ATG14: variants seen among roughly 807,000 people sequenced by gnomAD.
ATG14 encodes beclin 1-associated autophagy-related key regulator.
Under a neutral mutation model 60.4 loss-of-function variants are expected in ATG14, and 35 were observed. That is an observed-to-expected ratio of 0.58 (90% confidence interval 0.44 to 0.77). ATG14 has a LOEUF of 0.77. Among genes scored for constraint, ATG14 ranks in the 30% least tolerant of loss-of-function variants. ATG14 has a pLI of 0.00. For missense variants in ATG14, 647 were observed against 626.3 expected (o/e 1.03, Z -0.35); for synonymous variants, 234 against 228.8 (o/e 1.02, Z -0.21).
At chr14:55,393,210 T>C (rs889844170) in intron 3 of ATG14, among the ~76,000 whole-genome samples, 1 of 139,572 alleles carries the variant, frequency 7.2e-6, no homozygotes, top group African/African-American at 2.5e-5. Flanking sequence ...TGAAACCCCG[T>C]CTCTACTAAA....
chr14:55,399,913 A>C (rs1268797950), intron 1 of ATG14, among the ~76,000 whole-genome samples: 3 of 152,180 alleles, frequency 2.0e-5, no homozygotes, highest in Non-Finnish European at 4.4e-5. Flanking sequence ...GACTTTGTTA[A>C]AAACACAAAA....
Position 55,369,777 on chromosome 14 carries a change from G to T in ATG14, c.1321C>A (p.Pro441Thr). The T allele has an allele frequency of 1.9e-6, 3 of 1,614,188 alleles. No homozygotes were observed. Among genetic ancestry groups the T allele is most frequent in the Non-Finnish European group, 2.5e-6 (3 of 1,180,026 alleles). The change falls in exon 10 of 10, where the codon CCC (proline) becomes ACC (threonine). Residue 441 changes from proline (P) to threonine (T), a missense_variant. Transcript: ENST00000247178. ...TGGGAAGGGATATCACAAAACCGGG[G>T]ACTAGGCAAGTTCTCCCAGTCTGTG... ...LGTDWENLPS[P>T]RFCDIPSQSV...
intron 3 of ATG14, among the ~76,000 whole-genome samples, chr14:55,393,339 C>A (rs1024790676): frequency 6.6e-6 from 1 of 151,296 alleles, no homozygotes; most frequent in Non-Finnish European, 1.5e-5. Flanking sequence ...GAGCCGAGAT[C>A]GCGCCACTGC....
chr14:55,375,964 T>C (rs752095813), intron 9 of ATG14, among the ~76,000 whole-genome samples: 9 of 152,236 alleles, frequency 5.9e-5, no homozygotes, highest in Non-Finnish European at 1.0e-4. Flanking sequence ...CTAGTAATTT[T>C]CCCCCCTAAT....
chr14:55,396,281 T>C (rs1196278991), intron 2 of ATG14, among the ~76,000 whole-genome samples: 1 of 152,236 alleles, frequency 6.6e-6, no homozygotes, highest in East Asian at 1.9e-4. Flanking sequence ...TCATAATTCA[T>C]AGCAATAGTT....
At chr14:55,407,005 A>T (rs1405523641) in intron 1 of ATG14, among the ~76,000 whole-genome samples, 2 of 148,830 alleles carry the variant, frequency 1.3e-5, no homozygotes, top group Non-Finnish European at 3.0e-5. Context: ...TCTGTTGCCC[A>T]GGCTGAAGTA....
intron 1 of ATG14, among the ~76,000 whole-genome samples, chr14:55,398,301 AACTT>A (rs1193650151): frequency 1.3e-5 from 2 of 152,016 alleles, no homozygotes; most frequent in Non-Finnish European, 2.9e-5. Context: ...TCTTCTTGCC[AACTT>A]ACTTGGGTTT....
At position 55,384,085 on chromosome 14, in the gene ATG14, T is replaced by C. The variant is rs555889905; in HGVS notation, c.647+1774A>G. Among the ~76,000 whole-genome samples, 4 of 152,154 alleles carry C rather than the reference T, an allele frequency of 2.6e-5. No homozygotes were observed. The East Asian group carries it at 7.7e-4, about 29-fold the overall frequency. On this transcript the variant is annotated intron_variant, in intron 5 of 9. Transcript: ENST00000247178. ...GCCAGTTCTGAGCTGTACTGCTGCG[T>C]CTCCCTTCTCCCACAAGAAGTTGAG...
Position 55,366,566 on chromosome 14 carries a change from G to A in ATG14, c.*3053C>T, listed in dbSNP as rs1884683213. 6.6e-6 allele frequency: 1 copy of A among 152,438 alleles called. No individual in the cohort carries two copies. The highest frequency in any genetic ancestry group is 1.5e-5 in the Non-Finnish European group (1 of 68,050). 9.4% of individuals were successfully genotyped at this position (152,438 alleles called of 1,614,324 possible). A position where few individuals can be genotyped will look rare whatever the true frequency, so the allele number is the denominator to read the frequency against. ...CACTGAATGCTCTTCCCCAAATTGA[G>A]TCCTTACATGAGTCCCGTCCACTCT... On this transcript the variant is annotated 3_prime_UTR_variant, in exon 10 of 10. Transcript: ENST00000247178.
intron 5 of ATG14, among the ~76,000 whole-genome samples, chr14:55,384,209 G>C (rs1885084318): frequency 6.6e-6 from 1 of 152,114 alleles, no homozygotes; most frequent in South Asian, 2.1e-4. Flanking sequence ...CTAAATAAAA[G>C]ATTAAAACAG....
At chr14:55,387,613 C>G (rs898229148) in intron 4 of ATG14, among the ~76,000 whole-genome samples, 7 of 152,150 alleles carry the variant, frequency 4.6e-5, no homozygotes, top group African/African-American at 1.7e-4. Context: ...CACCCTCCCA[C>G]CCTCTTTCAC....
chr14:55,409,928 G>A (rs1419415246), intron 1 of ATG14, among the ~76,000 whole-genome samples: 1 of 152,208 alleles, frequency 6.6e-6, no homozygotes, highest in African/African-American at 2.4e-5. Flanking sequence ...GTCTCTGGTA[G>A]ATTGGACCAG....
chr14:55,375,524 T>G (rs1884903307), intron 9 of ATG14, among the ~76,000 whole-genome samples: 1 of 150,256 alleles, frequency 6.7e-6, no homozygotes, highest in African/African-American at 2.5e-5. Flanking sequence ...TTTTACTTTT[T>G]GTAGACATGG....
At chr14:55,377,112 C>A (rs539715121) in intron 9 of ATG14, among the ~76,000 whole-genome samples, 5 of 152,114 alleles carry the variant, frequency 3.3e-5, no homozygotes, top group Non-Finnish European at 5.9e-5. Flanking sequence ...TTTGGGAAGC[C>A]GAAGCGGGTG....
At chr14:55,370,457 AAT>A (rs1245126044) in intron 9 of ATG14, among the ~76,000 whole-genome samples, 2 of 152,200 alleles carry the variant, frequency 1.3e-5, no homozygotes, top group Non-Finnish European at 2.9e-5. Flanking sequence ...AACTGTTTAG[AAT>A]ATATTCAGAG....
chr14:55,369,700 C>G lies in ATG14; in HGVS notation c.1398G>C (p.Ala466=), dbSNP rs762239984. Residue 466 remains alanine (A), a synonymous_variant, in exon 10 of 10, where the codon GCG becomes GCC. Coordinates refer to ENST00000247178, the MANE Select transcript of ATG14 (RefSeq NM_014924.5). Reference sequence around the variant, plus strand: ...AGATCATCCCACCTGCACTGCTGCTCGCGATGGGTGGGGACGCCTGGGTGC... The same window carrying G: ...AGATCATCCCACCTGCACTGCTGCTGGCGATGGGTGGGGACGCCTGGGTGC... The part of the protein sequence containing the change: ...SQSTQASPPI[A]SSSAGGMISS... The G allele has an allele frequency of 3.1e-6, 5 of 1,606,212 alleles. No homozygotes were observed. Among genetic ancestry groups the G allele is most frequent in the Admixed American group, 1.7e-5 (1 of 59,564 alleles).
Position 55,377,819 on chromosome 14 carries a change from CT to C in ATG14, c.1171del (p.Arg391GlyfsTer83). 6.4e-7 allele frequency: 1 copy of C among 1,568,594 alleles called. No individual in the cohort carries two copies. The highest frequency in any genetic ancestry group is 8.6e-7 in the Non-Finnish European group (1 of 1,160,630). ...AGAAAAGCAACAAATATCTTCTTAC[CT>C]GCCTAGGTGTTCAGAGCTTGGACTG... ...LVSPSSEHLG[R>X]SGPFEVRADL... On this transcript the variant is annotated frameshift_variant and splice_region_variant, in exon 9 of 10. Coordinates refer to ENST00000247178, the MANE Select transcript of ATG14 (RefSeq NM_014924.5). LOFTEE classifies it high-confidence loss of function.
intron 3 of ATG14, 106 bp downstream of exon 3, chr14:55,395,834 A>G: frequency 1.4e-6 from 1 of 723,640 alleles, no homozygotes; most frequent in Non-Finnish European, 2.0e-6. Flanking sequence ...TAAGTAGAGG[A>G]CTGCTAAATA....
chr14:55,389,817 G>C (rs948794462), intron 4 of ATG14, among the ~76,000 whole-genome samples: 5 of 152,236 alleles, frequency 3.3e-5, no homozygotes, highest in Admixed American at 6.5e-5. Flanking sequence ...TTAGAAACGA[G>C]TATTCTTGGG....
Sources: allele counts gnomAD v4.1 joint callset (sites outside exome capture counted in the v4.1 genomes callset), GRCh38; gene constraint gnomAD v4.1.1; transcripts MANE v1.5; gene names NCBI Gene and HGNC (gene_info 2026-07-23, HGNC 2026-07-21).